LRRC39: variants seen among roughly 807,000 people sequenced by gnomAD.
LRRC39 encodes the protein leucine-rich repeat-containing protein 39.
In LRRC39, 35 loss-of-function variants were observed where a neutral mutation model predicts 39.7. The observed-to-expected ratio is 0.88, with a 90% CI of 0.67 to 1.17. The LOEUF (loss-of-function observed/expected upper bound fraction) is 1.17. Among genes scored for constraint, LRRC39 ranks in the 50% most tolerant of loss-of-function variants. The probability of loss-of-function intolerance (pLI) is 0.00; values close to 1 mark genes in which losing one functional copy is unlikely to be tolerated. For synonymous variants in LRRC39, 113 were observed against 134.1 expected (o/e 0.84, Z 1.09); for missense variants, 357 against 385.8 (o/e 0.93, Z 0.62).
In LRRC39 at chr1:100,160,549, G is replaced by A. The variant is rs371155598; in HGVS notation, c.136C>T (p.Arg46Ter). The change falls in exon 4 of 10, where the codon CGA (arginine) becomes TGA (stop). Residue 46 changes from arginine to a stop codon, truncating the protein, a stop_gained. Transcript: ENST00000370137. LOFTEE classifies it high-confidence loss of function. ...QHKLVRIWEE[R>*]VSLTKLREKV... is the part of the protein sequence containing the mutation. ...TCTCTTAGCTTGGTTAAGCTTACTC[G>A]TTCTTCCCAGATCCGCACTAGCCTA... The A allele has an allele frequency of 1.2e-5, 19 of 1,611,710 alleles. No individual in the cohort carries two copies. Among genetic ancestry groups the A allele is most frequent in the Non-Finnish European group, 1.4e-5 (16 of 1,179,070 alleles).
chr1:100,163,492 A>C (rs948856530), intron 3 of LRRC39, among the ~76,000 whole-genome samples: 1 of 152,052 alleles, frequency 6.6e-6, no homozygotes, highest in African/African-American at 2.4e-5. Context: ...TGAGCAAGAC[A>C]TCCCCCATCT....
chr1:100,152,518 G>A lies in LRRC39; in HGVS notation c.819C>T (p.Val273=), dbSNP rs749122568. ...CMEEMANLRF[V]NFRDNPLKLK... ...ATTTCAGTGGGTTGTCTCTGAAGTTGACAAACCTAGAAGTTCATCAAAAAA... is the reference window on the plus strand; with the variant it reads ...ATTTCAGTGGGTTGTCTCTGAAGTTAACAAACCTAGAAGTTCATCAAAAAA... The change falls in exon 9 of 10, where the codon GTC becomes GTT. Residue 273 remains valine (V), a synonymous_variant. Coordinates refer to ENST00000370137, the MANE Select transcript of LRRC39 (RefSeq NM_144620.4). 3 of 1,613,556 alleles carry A rather than the reference G, an allele frequency of 1.9e-6. No homozygotes were observed. The highest frequency in any genetic ancestry group is 1.7e-6 in the Non-Finnish European group (2 of 1,179,832).
rs554876572 is a variant in LRRC39 at position 100,148,739 on chromosome 1, T to A, written c.*303A>T. 6.3e-7 allele frequency: 1 copy of A among 1,599,340 alleles called. No homozygotes were observed. The highest frequency in any genetic ancestry group is 2.3e-5 in the East Asian group (1 of 43,634). ...GATTCAGTCCTGCTTTGCAGTACTA[T>A]ACAGACCCTCTGGTGTCTTTGGAAA... On this transcript the variant is annotated 3_prime_UTR_variant, in exon 10 of 10. Transcript: ENST00000370137.
At chr1:100,175,722 A>G (rs1032457065) in intron 1 of LRRC39, among the ~76,000 whole-genome samples, 2 of 152,180 alleles carry the variant, frequency 1.3e-5, no homozygotes, top group African/African-American at 2.4e-5. Context: ...TGAACAGGAA[A>G]TTTTCAAAAA....
intron 1 of LRRC39, among the ~76,000 whole-genome samples, chr1:100,176,556 G>A (rs1659967793): frequency 6.6e-6 from 1 of 152,136 alleles, no homozygotes; most frequent in South Asian, 2.1e-4. Context: ...CTCCCAATAA[G>A]CAAAAAGAAA....
chr1:100,149,703 T>A, intron 9 of LRRC39: 1 of 280,092 alleles, frequency 3.6e-6, no homozygotes, highest in South Asian at 4.7e-5. Flanking sequence ...TAGGCCTTAT[T>A]TAACTCATGA....
At position 100,148,913 on chromosome 1, in the gene LRRC39, A is replaced by G; in HGVS notation, c.*129T>C. The G allele has an allele frequency of 6.2e-6, 7 of 1,126,664 alleles. No homozygotes were observed. Among genetic ancestry groups the G allele is most frequent in the Non-Finnish European group, 8.2e-6 (7 of 851,854 alleles). 69.8% of individuals were successfully genotyped at this position (1,126,664 alleles called of 1,614,324 possible). On this transcript the variant is annotated 3_prime_UTR_variant, in exon 10 of 10. Transcript: ENST00000370137. Reference sequence around the variant, plus strand: ...AAAAAATATATACTTTAAATAGCAAATAATATGAACTTTAAAAAATGCTGT... The same window carrying G: ...AAAAAATATATACTTTAAATAGCAAGTAATATGAACTTTAAAAAATGCTGT...
chr1:100,164,109 A>G (rs1269317490), intron 3 of LRRC39, among the ~76,000 whole-genome samples: 1 of 152,146 alleles, frequency 6.6e-6, no homozygotes, highest in Non-Finnish European at 1.5e-5. Flanking sequence ...TACAAATTTT[A>G]TTGTAGAATA....
intron 4 of LRRC39, among the ~76,000 whole-genome samples, chr1:100,159,908 C>T: frequency 6.6e-6 from 1 of 151,938 alleles, no homozygotes; most frequent in Non-Finnish European, 1.5e-5. Context: ...GTGCCTTTTC[C>T]CTTTCAGCCT....
At chr1:100,151,557 C>G (rs577761103) in intron 9 of LRRC39, among the ~76,000 whole-genome samples, 1 of 152,240 alleles carries the variant, frequency 6.6e-6, no homozygotes, top group South Asian at 2.1e-4. Flanking sequence ...CTAGTTGTTG[C>G]ATTAAGTTGA....
At chr1:100,151,126 C>CAAAAA (rs772782982) in intron 9 of LRRC39, among the ~76,000 whole-genome samples, 5 of 43,662 alleles carry the variant, frequency 1.1e-4, no homozygotes, top group South Asian at 1.2e-3. Flanking sequence ...AGAAACTCCT[C>CAAAAA]AAAAAAAAAA....
intron 3 of LRRC39, among the ~76,000 whole-genome samples, chr1:100,166,784 A>G: frequency 6.6e-6 from 1 of 152,156 alleles, no homozygotes; most frequent in East Asian, 1.9e-4. Flanking sequence ...TGTATAAGTA[A>G]TGAGGAGCCA....
chr1:100,173,433 G>A (rs1218640182), intron 1 of LRRC39, 63 bp from the exon 2 acceptor site: 1 of 151,964 alleles, frequency 6.6e-6, no homozygotes, highest in Non-Finnish European at 1.5e-5. Flanking sequence ...ATTTAATATC[G>A]TGATTAAAAA....
rs1658690583 is a variant in LRRC39 at position 100,159,183 on chromosome 1, T to C, written c.376+76A>G. On this transcript the variant is annotated intron_variant, in intron 5 of 9. Transcript: ENST00000370137. ...TGTATAAAGAGGTCTTTATTCCATG[T>C]ATCCAAAAAAATCTTAATAAAAAGC... The C allele has an allele frequency of 6.0e-6, 8 of 1,338,944 alleles. No individual in the cohort carries two copies. The South Asian group carries it at 1.2e-4, about 21-fold the overall frequency. The allele number at this position is 1,338,944 out of a possible 1,614,324, so 82.9% of individuals were successfully genotyped here.
At chr1:100,168,377 C>A in intron 3 of LRRC39, 27 bp downstream of exon 3, 8 of 1,514,376 alleles carry the variant, frequency 5.3e-6, no homozygotes, top group South Asian at 2.4e-5. Context: ...TTCACTAATT[C>A]AAAATAATAA....
At chr1:100,152,354 A>G (rs371019007) in intron 9 of LRRC39, 31 bp downstream of exon 9, 5 of 1,598,270 alleles carry the variant, frequency 3.1e-6, no homozygotes, top group African/African-American at 2.7e-5. Flanking sequence ...ACCAAAAAAC[A>G]TTTAATCTGT....
chr1:100,154,546 A>C (rs762001519), intron 8 of LRRC39, among the ~76,000 whole-genome samples: 70 of 152,220 alleles, frequency 4.6e-4, no homozygotes, highest in Non-Finnish European at 8.1e-4. Flanking sequence ...CCATGCTAAA[A>C]AATTACATAA....
intron 2 of LRRC39, among the ~76,000 whole-genome samples, chr1:100,170,808 C>A (rs909992263): frequency 6.6e-6 from 1 of 151,968 alleles, no homozygotes; most frequent in Non-Finnish European, 1.5e-5. Flanking sequence ...GACCTCTGGG[C>A]TCAAGTGATC....
intron 1 of LRRC39, among the ~76,000 whole-genome samples, chr1:100,175,934 A>G: frequency 6.6e-6 from 1 of 152,204 alleles, no homozygotes; most frequent in East Asian, 1.9e-4. Context: ...CTCCTGGTAT[A>G]TTGGTGAAAT....
Sources: gnomAD v4.1 joint callset for allele counts (sites outside exome capture counted in the v4.1 genomes callset) on GRCh38, gnomAD v4.1.1 for gene constraint, MANE v1.5 for transcripts, NCBI Gene and HGNC (gene_info 2026-07-23, HGNC 2026-07-21) for gene names.